COPG2: variants seen among roughly 807,000 people sequenced by gnomAD.
COPG2 encodes the protein coatomer subunit gamma-2.
Under a neutral mutation model 46.3 loss-of-function variants are expected in COPG2, and 37 were observed. The ratio of observed to expected loss-of-function variants is 0.80; its 90% CI spans 0.61 to 1.05. The LOEUF is 1.05. COPG2 is among the 50% of genes least tolerant of loss of function. The pLI is 0.00. For missense variants in COPG2, 427 were observed against 387.8 expected (o/e 1.10, Z -0.85); for synonymous variants, 159 against 129.7 (o/e 1.23, Z -1.53).
intron 20 of COPG2, among the ~76,000 whole-genome samples, chr7:130,535,612 C>A (rs930507966): frequency 1.7e-4 from 24 of 140,454 alleles, no homozygotes; most frequent in Middle Eastern, 7.1e-3. Context: ...AGGCTCTTTA[C>A]TACGGATCCG....
rs540019886 is a variant in COPG2 at position 130,650,821 on chromosome 7, C to T, written c.323+2048G>A. 3.9e-5 allele frequency among the ~76,000 whole-genome samples: 6 copies of T among 152,282 alleles called. No homozygotes were observed. In the South Asian group the frequency reaches 8.3e-4, roughly 21 times the overall value. Reference sequence around the variant, plus strand: ...GACCCCTCTAGCCTTGAATATGGTACATTGCCAGTAATTTGGGCATCTATT... The same window carrying T: ...GACCCCTCTAGCCTTGAATATGGTATATTGCCAGTAATTTGGGCATCTATT... On this transcript the variant is annotated intron_variant, in intron 5 of 23. Coordinates refer to ENST00000425248, the MANE Select transcript of COPG2 (RefSeq NM_012133.6).
At chr7:130,656,091 G>T (rs1324917875) in intron 4 of COPG2, among the ~76,000 whole-genome samples, 1 of 151,822 alleles carries the variant, frequency 6.6e-6, no homozygotes, top group Non-Finnish European at 1.5e-5. Context: ...CATTTAATGT[G>T]GATAATGATA....
intron 5 of COPG2, among the ~76,000 whole-genome samples, chr7:130,649,451 T>G (rs1426067800): frequency 6.6e-6 from 1 of 152,196 alleles, no homozygotes; most frequent in African/African-American, 2.4e-5. Flanking sequence ...ACTTCAACAC[T>G]TTGCTTGGAA....
intron 20 of COPG2, among the ~76,000 whole-genome samples, chr7:130,525,905 CT>C (rs1799769755): frequency 9.9e-5 from 15 of 151,592 alleles, no homozygotes; most frequent in Non-Finnish European, 2.2e-4. Flanking sequence ...GTCTTAAATT[CT>C]ACACACGGGT....
chr7:130,629,325 G>C (rs10272206), intron 5 of COPG2, among the ~76,000 whole-genome samples: 22,185 of 151,394 alleles, frequency 0.15, 2,997 homozygotes, highest in African/African-American at 0.36. Context: ...ATTAATTTTG[G>C]GGAAAAAAAT....
chr7:130,647,027 G>T (rs113747303), intron 5 of COPG2, among the ~76,000 whole-genome samples: 2 of 59,802 alleles, frequency 3.3e-5, no homozygotes, highest in African/African-American at 2.2e-4. Context: ...ATATATATGT[G>T]TATATATATA....
chr7:130,662,399 T>C (rs1275346580), intron 4 of COPG2, among the ~76,000 whole-genome samples: 1 of 152,116 alleles, frequency 6.6e-6, no homozygotes, highest in African/African-American at 2.4e-5. Flanking sequence ...TATCCCAGAA[T>C]TACCTTCCCT....
intron 12 of COPG2, among the ~76,000 whole-genome samples, chr7:130,556,896 T>G (rs1793635181): frequency 6.6e-6 from 1 of 152,104 alleles, no homozygotes; most frequent in Non-Finnish European, 1.5e-5. Flanking sequence ...ACTTCAATCC[T>G]AATGACAGCA....
At chr7:130,535,650 G>T (rs1387760623) in intron 20 of COPG2, among the ~76,000 whole-genome samples, 1 of 137,872 alleles carries the variant, frequency 7.3e-6, no homozygotes, top group Non-Finnish European at 1.6e-5. Flanking sequence ...GGGTGGAGGG[G>T]ATGGGGTTTG....
chr7:130,664,341 A>G (rs1016804989), intron 3 of COPG2, among the ~76,000 whole-genome samples: 6 of 152,222 alleles, frequency 3.9e-5, no homozygotes, highest in Admixed American at 6.5e-5. Context: ...ACAAAGTACA[A>G]TAAGTTTATA....
intron 9 of COPG2, among the ~76,000 whole-genome samples, chr7:130,596,977 G>A (rs555811806): frequency 2.0e-5 from 3 of 152,276 alleles, no homozygotes; most frequent in African/African-American, 7.2e-5. Flanking sequence ...GTAAACATCA[G>A]AAGAAGTGGA....
intron 5 of COPG2, among the ~76,000 whole-genome samples, chr7:130,635,466 C>A (rs1383383888): frequency 6.6e-6 from 1 of 151,984 alleles, no homozygotes; most frequent in Non-Finnish European, 1.5e-5. Flanking sequence ...GGAATTTATC[C>A]ATTTCTTCTA....
intron 5 of COPG2, among the ~76,000 whole-genome samples, chr7:130,638,761 G>A (rs1795398608): frequency 6.6e-6 from 1 of 151,842 alleles, no homozygotes; most frequent in Admixed American, 6.6e-5. Context: ...GGCATTCCAG[G>A]CGCCACTGAG....
At chr7:130,536,484 A>T (rs1799880837) in intron 20 of COPG2, among the ~76,000 whole-genome samples, 1 of 152,122 alleles carries the variant, frequency 6.6e-6, no homozygotes, top group Non-Finnish European at 1.5e-5. Flanking sequence ...GGAAAAAAAC[A>T]ATCTCTAAAA....
At chr7:130,533,651 C>T (rs980645817) in intron 20 of COPG2, among the ~76,000 whole-genome samples, 2 of 152,074 alleles carry the variant, frequency 1.3e-5, no homozygotes, top group Non-Finnish European at 2.9e-5. Flanking sequence ...TGAATGAATA[C>T]AGCATGTTAG....
chr7:130,539,643 T>C (rs1053687140), intron 20 of COPG2, among the ~76,000 whole-genome samples: 19 of 151,474 alleles, frequency 1.3e-4, no homozygotes, highest in Admixed American at 3.3e-4. Context: ...AGAGAAGAAA[T>C]GTGGATGCAA....
intron 9 of COPG2, among the ~76,000 whole-genome samples, chr7:130,601,200 C>T (rs1443356480): frequency 6.6e-6 from 1 of 152,232 alleles, no homozygotes; most frequent in African/African-American, 2.4e-5. Flanking sequence ...GAAATAGGAA[C>T]TCTTTTACAC....
intron 9 of COPG2, among the ~76,000 whole-genome samples, chr7:130,570,003 C>G (rs1793868499): frequency 6.6e-6 from 1 of 152,318 alleles, no homozygotes; most frequent in East Asian, 1.9e-4. Flanking sequence ...CAAAATCCAG[C>G]ATCCCTTTAT....
chr7:130,603,195 C>T (rs1329609875), intron 9 of COPG2, among the ~76,000 whole-genome samples: 1 of 152,116 alleles, frequency 6.6e-6, no homozygotes, highest in Non-Finnish European at 1.5e-5. Flanking sequence ...GAGATAATCA[C>T]TATACTAACT....
Sources: allele counts gnomAD v4.1 joint callset (sites outside exome capture counted in the v4.1 genomes callset), GRCh38; gene constraint gnomAD v4.1.1; transcripts MANE v1.5; gene names NCBI Gene and HGNC (gene_info 2026-07-23, HGNC 2026-07-21).